Variants in ARL8B observed in about 807,000 individuals in gnomAD.
ARL8B encodes ARF like GTPase 8B, also known as ADP-ribosylation factor-like protein 8B.
A neutral mutation model predicts 30.6 loss-of-function variants in ARL8B; 9 were observed. The ratio of observed to expected loss-of-function variants is 0.29; its 90% confidence interval spans 0.18 to 0.51. ARL8B has a LOEUF of 0.51. Ranked by LOEUF, ARL8B falls within the 20% of genes least tolerant of loss-of-function variation. The pLI is 0.97. For missense variants in ARL8B, 130 were observed against 227.2 expected (o/e 0.57, Z 2.75); for synonymous variants, 74 against 76.0 (o/e 0.97, Z 0.14).
At chr3:5,145,060 A>G (rs997532773) in intron 1 of ARL8B, among the ~76,000 whole-genome samples, 7 of 149,888 alleles carry the variant, frequency 4.7e-5, no homozygotes, top group East Asian at 3.9e-4. Flanking sequence ...GTTTATTTCC[A>G]TCAGTGATAG....
Position 5,180,546 on chromosome 3 carries a change from G to T in ARL8B, c.*1833G>T, listed in dbSNP as rs575201045. ...TATAGCTAAACCTTAATGTGTTTGT[G>T]TGTCTATACATTGCTTTCCGCATTT... On this transcript the variant is annotated 3_prime_UTR_variant, in exon 7 of 7. Coordinates refer to ENST00000256496, the MANE Select transcript of ARL8B (RefSeq NM_018184.3). 1 of 152,672 alleles carries T rather than the reference G, an allele frequency of 6.5e-6. No homozygotes were observed. The highest frequency in any genetic ancestry group is 1.5e-5 in the Non-Finnish European group (1 of 68,052). The allele number at this position is 152,672 out of a possible 1,614,324, so 9.5% of individuals were successfully genotyped here. A position where few individuals can be genotyped will look rare whatever the true frequency, so the allele number is the denominator to read the frequency against.
At chr3:5,128,476 G>A in intron 1 of ARL8B, 1 of 454,770 alleles carries the variant, frequency 2.2e-6, no homozygotes, top group Non-Finnish European at 4.4e-6. Context: ...AATCTTGAAA[G>A]CCAAATGTTC....
intron 1 of ARL8B, among the ~76,000 whole-genome samples, chr3:5,130,987 T>C (rs1459403320): frequency 6.6e-6 from 1 of 151,984 alleles, no homozygotes. Flanking sequence ...TCATCCATGC[T>C]GGGAGTGCAG....
intron 1 of ARL8B, among the ~76,000 whole-genome samples, chr3:5,158,676 G>GA (rs1206489353): frequency 3.3e-5 from 5 of 152,050 alleles, no homozygotes; most frequent in African/African-American, 7.2e-5. Context: ...TTTATTACCT[G>GA]AAAAAATGAA....
chr3:5,125,588 A>G (rs1271902404), intron 1 of ARL8B, among the ~76,000 whole-genome samples: 1 of 150,202 alleles, frequency 6.7e-6, no homozygotes, highest in African/African-American at 2.5e-5. Flanking sequence ...GCTGGAGTGC[A>G]GTGGCATGAT....
intron 1 of ARL8B, among the ~76,000 whole-genome samples, chr3:5,156,414 G>A (rs1488139093): frequency 5.5e-5 from 8 of 145,496 alleles, no homozygotes; most frequent in Non-Finnish European, 1.1e-4. Flanking sequence ...TCAGTTGTTC[G>A]TTTGTTTGGT....
At chr3:5,146,697 C>T (rs1232573284) in intron 1 of ARL8B, among the ~76,000 whole-genome samples, 5 of 152,124 alleles carry the variant, frequency 3.3e-5, no homozygotes, top group African/African-American at 9.7e-5. Context: ...AGGTCTCCAC[C>T]CAGGAGGTTA....
chr3:5,143,384 T>C (rs2054391799), intron 1 of ARL8B, among the ~76,000 whole-genome samples: 1 of 152,176 alleles, frequency 6.6e-6, no homozygotes, highest in African/African-American at 2.4e-5. Flanking sequence ...AGTGACAGAC[T>C]CTTATAAGTC....
At chr3:5,152,495 C>T (rs528088568) in intron 1 of ARL8B, among the ~76,000 whole-genome samples, 2 of 152,136 alleles carry the variant, frequency 1.3e-5, no homozygotes, top group Non-Finnish European at 2.9e-5. Flanking sequence ...GGTTTCTCTT[C>T]TTTCCTCTTT....
At chr3:5,158,478 G>A (rs1303341451) in intron 1 of ARL8B, among the ~76,000 whole-genome samples, 2 of 152,196 alleles carry the variant, frequency 1.3e-5, no homozygotes, top group African/African-American at 4.8e-5. Flanking sequence ...AAACAGCTCT[G>A]TGAGGTAGAG....
intron 1 of ARL8B, chr3:5,128,525 A>G: frequency 2.3e-6 from 1 of 438,498 alleles, no homozygotes; most frequent in Non-Finnish European, 4.5e-6. Context: ...TGCATTCTAA[A>G]TGCCTGTCTT....
At chr3:5,132,905 G>A (rs1035882360) in intron 1 of ARL8B, among the ~76,000 whole-genome samples, 12 of 152,192 alleles carry the variant, frequency 7.9e-5, no homozygotes, top group Admixed American at 6.5e-5. Flanking sequence ...AGACATTGGA[G>A]GAGTTTTATT....
intron 1 of ARL8B, among the ~76,000 whole-genome samples, chr3:5,168,932 T>C (rs1276937377): frequency 6.6e-6 from 1 of 152,182 alleles, no homozygotes; most frequent in Non-Finnish European, 1.5e-5. Flanking sequence ...TCCTCAGAGA[T>C]TAAAGCCTAT....
In ARL8B at chr3:5,155,890, T is replaced by TTGTG. The variant is rs147206469; in HGVS notation, c.124-14599_124-14596dup. Among the ~76,000 whole-genome samples the TTGTG allele has an allele frequency of 1.5e-3, 218 of 147,666 alleles. 2 individuals carry two copies. The highest frequency in any genetic ancestry group is 0.01 in the East Asian group (52 of 5,094). ...TCTTTGAGTACCTTTAAGATAATTT[T>TTGTG]TGTGTGTGTGTGTGTGTTGTTTTTG... On this transcript the variant is annotated intron_variant, in intron 1 of 6. Transcript: ENST00000256496.
rs560536998 is a variant in ARL8B at position 5,148,751 on chromosome 3, G to A, written c.124-21752G>A. Among the ~76,000 whole-genome samples, 24 of 152,244 alleles carry A rather than the reference G, an allele frequency of 1.6e-4. No homozygotes were observed. The South Asian group carries it at 4.8e-3, about 30-fold the overall frequency. On this transcript the variant is annotated intron_variant, in intron 1 of 6. Transcript: ENST00000256496. ...AAACTTAGGCCAAAAAAGATCGAAG[G>A]CTTATGAATAGGGTCTTTGGGCCAG...
intron 1 of ARL8B, among the ~76,000 whole-genome samples, chr3:5,144,808 G>C (rs1319771682): frequency 1.3e-5 from 2 of 152,138 alleles, no homozygotes; most frequent in African/African-American, 4.8e-5. Context: ...CTGGAAGCTG[G>C]AGGCTTTCTA....
At chr3:5,137,437 CTTTTTTT>C (rs368417212) in intron 1 of ARL8B, among the ~76,000 whole-genome samples, 6 of 132,714 alleles carry the variant, frequency 4.5e-5, no homozygotes, top group Non-Finnish European at 8.0e-5. Flanking sequence ...TTAATTTTCT[CTTTTTTT>C]TTTTTTTTTT....
intron 6 of ARL8B, 125 bp from the exon 7 acceptor site, chr3:5,178,539 G>T: frequency 1.3e-6 from 1 of 792,502 alleles, no homozygotes. Context: ...TGGTAATGCA[G>T]ATGCAGAAAA....
chr3:5,170,874 G>C (rs2054667419), intron 2 of ARL8B: 1 of 231,760 alleles, frequency 4.3e-6, no homozygotes, highest in African/African-American at 2.3e-5. Flanking sequence ...AAGATGACAG[G>C]CTTGTGCCAC....
Sources: gnomAD v4.1 joint callset for allele counts (sites outside exome capture counted in the v4.1 genomes callset) on GRCh38, gnomAD v4.1.1 for gene constraint, MANE v1.5 for transcripts, NCBI Gene and HGNC (gene_info 2026-07-23, HGNC 2026-07-21) for gene names.